The following DZIP1 variants were observed in gnomAD, a reference collection of about 807,000 sequenced individuals.
DZIP1 encodes cilium assembly protein DZIP1.
In DZIP1, 97 loss-of-function variants were observed where a neutral mutation model predicts 107.6. The observed-to-expected ratio is 0.90, with a 90% CI of 0.77 to 1.07. The LOEUF (loss-of-function observed/expected upper bound fraction) is 1.07, where lower values mean the gene tolerates loss of function less well. Ranked by LOEUF, DZIP1 falls within the 50% of genes least tolerant of loss-of-function variation. The pLI, the probability that DZIP1 is intolerant of heterozygous loss-of-function variation, is 0.00. For synonymous variants in DZIP1, 390 were observed against 386.4 expected (o/e 1.01, Z -0.11); for missense variants, 1,035 against 1,063.6 (o/e 0.97, Z 0.37).
intron 19 of DZIP1, among the ~76,000 whole-genome samples, chr13:95,588,883 T>C (rs1365353064): frequency 6.6e-6 from 1 of 152,212 alleles, no homozygotes; most frequent in Non-Finnish European, 1.5e-5. Context: ...ATTGAGAAAT[T>C]ACTCAACATT....
At chr13:95,587,818 C>T (rs1428329069) in intron 19 of DZIP1, 89 bp from the exon 20 acceptor site, 9 of 1,419,572 alleles carry the variant, frequency 6.3e-6, no homozygotes, top group African/African-American at 1.4e-5. Context: ...AAAGTGGTGG[C>T]ACCTTTCTCA....
intron 14 of DZIP1, among the ~76,000 whole-genome samples, chr13:95,604,124 C>T (rs565898837): frequency 2.6e-5 from 4 of 152,312 alleles, no homozygotes; most frequent in East Asian, 1.9e-4. Context: ...TTCGCCCAAC[C>T]CTGCTTCTCT....
intron 12 of DZIP1, among the ~76,000 whole-genome samples, chr13:95,611,239 GT>G (rs2044994007): frequency 6.6e-6 from 1 of 152,192 alleles, no homozygotes; most frequent in South Asian, 2.1e-4. Context: ...CTACATGATA[GT>G]TTAGATTTTT....
At chr13:95,640,097 A>T (rs1878319831) in intron 5 of DZIP1, among the ~76,000 whole-genome samples, 1 of 151,074 alleles carries the variant, frequency 6.6e-6, no homozygotes, top group African/African-American at 2.4e-5. Context: ...GGTTTAAGCG[A>T]TTCTCCTGCC....
At chr13:95,643,311 G>A (rs1234760426) in intron 2 of DZIP1, 54 bp from the exon 3 acceptor site, 3 of 152,144 alleles carry the variant, frequency 2.0e-5, no homozygotes, top group African/African-American at 7.2e-5. Context: ...AGAGTAACTG[G>A]AAGCAAAGTT....
Position 95,641,826 on chromosome 13 carries a change from G to A in DZIP1, c.66C>T (p.Leu22=). The change falls in exon 5 of 23, where the codon CTC becomes CTT. Residue 22 remains leucine, a synonymous_variant. Coordinates refer to ENST00000376829, the MANE Select transcript of DZIP1 (RefSeq NM_198968.4). This position sits in a 1 kb window ranked among gnomAD's most constrained non-coding sequence, Gnocchi z 4.3. ...MPFQKHVYYP[L]ASGPEGPDVA... ...CGTCGGGCCCCTCTGGGCCGCTGGC[G>A]AGCGGGTAGTAGACATGCTTCTGGA... 3 of 1,465,392 alleles carry A rather than the reference G, an allele frequency of 2.0e-6. No homozygotes were observed. Among genetic ancestry groups the A allele is most frequent in the African/African-American group, 2.9e-5 (2 of 68,004 alleles). The allele number at this position is 1,465,392 out of a possible 1,614,324, so 90.8% of individuals were successfully genotyped here.
At position 95,578,309 on chromosome 13, in the gene DZIP1, G is replaced by A. The variant is rs142506879; in HGVS notation, c.*3925C>T. The A allele has an allele frequency of 8.3e-5, 17 of 205,142 alleles. No homozygotes were observed. Among genetic ancestry groups the A allele is most frequent in the East Asian group, 2.6e-4 (2 of 7,666 alleles). The allele number at this position is 205,142 out of a possible 1,614,324, so 12.7% of individuals were successfully genotyped here. ...AGTACCAAAGGTTCAAGAAGTATTC[G>A]TACTCTAGCCTTTTTAATCATTCAT... is the stretch of plus-strand genomic sequence containing the variant. On this transcript the variant is annotated 3_prime_UTR_variant, in exon 23 of 23. Coordinates refer to ENST00000376829, the MANE Select transcript of DZIP1 (RefSeq NM_198968.4).
Position 95,581,119 on chromosome 13 carries a change from TG to T in DZIP1, c.*1114del, listed in dbSNP as rs2044005242. The T allele has an allele frequency of 6.6e-6, 1 of 152,500 alleles. No homozygotes were observed. Among genetic ancestry groups the T allele is most frequent in the South Asian group, 2.1e-4 (1 of 4,830 alleles). The allele number at this position is 152,500 out of a possible 1,614,324, so 9.4% of individuals were successfully genotyped here. A position where few individuals can be genotyped will look rare whatever the true frequency, so the allele number is the denominator to read the frequency against. On this transcript the variant is annotated 3_prime_UTR_variant, in exon 23 of 23. Transcript: ENST00000376829. ...AATAACACAGCCACAGTCACAGTGA[TG>T]TAACAGAGGGCTTTACTGAAAAGGT... is the stretch of plus-strand genomic sequence containing the variant.
chr13:95,583,262 TAA>T (rs11295025), intron 22 of DZIP1, among the ~76,000 whole-genome samples: 102 of 142,342 alleles, frequency 7.2e-4, no homozygotes, highest in Admixed American at 8.4e-4. Flanking sequence ...CCCCATCTCT[TAA>T]AAAAAAAAAA....
chr13:95,601,536 G>A (rs1320200862), intron 14 of DZIP1, among the ~76,000 whole-genome samples: 1 of 152,070 alleles, frequency 6.6e-6, no homozygotes, highest in Non-Finnish European at 1.5e-5. Context: ...GGACTTCATC[G>A]TGCCTACCTT....
rs2044008199 is a variant in DZIP1 at position 95,581,321 on chromosome 13, C to T, written c.*913G>A. ...ATTACTTTTGAGGTATTTCATAATACATGTTGGGTATTTTAAATAGTAAAA... is the reference window on the plus strand; with the variant it reads ...ATTACTTTTGAGGTATTTCATAATATATGTTGGGTATTTTAAATAGTAAAA... On this transcript the variant is annotated 3_prime_UTR_variant, in exon 23 of 23. Transcript: ENST00000376829. 6.6e-6 allele frequency: 1 copy of T among 152,494 alleles called. No homozygotes were observed. The highest frequency in any genetic ancestry group is 6.6e-5 in the Admixed American group (1 of 15,260). 9.4% of individuals were successfully genotyped at this position (152,494 alleles called of 1,614,324 possible).
intron 12 of DZIP1, 78 bp downstream of exon 12, chr13:95,611,366 TG>T (rs778303024): frequency 2.1e-5 from 23 of 1,083,508 alleles, no homozygotes; most frequent in Non-Finnish European, 3.1e-5. Flanking sequence ...CATAAACAAG[TG>T]GGGCCCACAT....
chr13:95,596,481 C>T (rs1295410212), intron 15 of DZIP1, among the ~76,000 whole-genome samples: 2 of 152,172 alleles, frequency 1.3e-5, no homozygotes, highest in African/African-American at 4.8e-5. Flanking sequence ...AGATTTTTGA[C>T]ATGAGTATAC....
rs537892601 is a variant in DZIP1 at position 95,599,404 on chromosome 13, T to C, written c.1498A>G (p.Ile500Val). ...MVHEQAFSSH[I>V]LEPIEELSEE... ...GAAAGTTCTTCTATTGGTTCCAGTA[T>C]GTGCGACGAGAATGCCTGTTCTATT... Residue 500 changes from isoleucine to valine, a missense_variant, in exon 15 of 23, where the codon ATA becomes GTA. Ile to Val is a conservative substitution (Grantham distance 29). Transcript: ENST00000376829. The C allele has an allele frequency of 1.2e-6, 2 of 1,613,758 alleles. No individual in the cohort carries two copies. Among genetic ancestry groups the C allele is most frequent in the African/African-American group, 2.7e-5 (2 of 74,916 alleles).
At chr13:95,589,122 T>C (rs2044241824) in intron 19 of DZIP1, 32 bp downstream of exon 19, 1 of 1,574,908 alleles carries the variant, frequency 6.3e-7, no homozygotes, top group African/African-American at 1.4e-5. Flanking sequence ...AATAATTTTT[T>C]AAATGACCCT....
At chr13:95,618,172 C>T (rs1353149672) in intron 10 of DZIP1, among the ~76,000 whole-genome samples, 1 of 152,212 alleles carries the variant, frequency 6.6e-6, no homozygotes, top group East Asian at 1.9e-4. Context: ...GGGCACTCTG[C>T]ATTTATCCCA....
chr13:95,633,675 T>A (rs1433735921), intron 5 of DZIP1, among the ~76,000 whole-genome samples: 1 of 104,524 alleles, frequency 9.6e-6, no homozygotes, highest in Admixed American at 1.2e-4. Context: ...CGAGACTCCA[T>A]CTCAAAAAAA....
At chr13:95,595,855 T>C (rs1307541673) in intron 15 of DZIP1, among the ~76,000 whole-genome samples, 5 of 152,210 alleles carry the variant, frequency 3.3e-5, no homozygotes, top group African/African-American at 1.2e-4. Context: ...GGGCAAGCGA[T>C]GCCTGGAATG....
chr13:95,598,721 C>T (rs1315487450), intron 15 of DZIP1, among the ~76,000 whole-genome samples: 1 of 151,954 alleles, frequency 6.6e-6, no homozygotes, highest in Non-Finnish European at 1.5e-5. Context: ...TCAAAATCTA[C>T]AAATCTAGCA....
Sources: allele counts gnomAD v4.1 joint callset (sites outside exome capture counted in the v4.1 genomes callset), GRCh38; gene constraint gnomAD v4.1.1; non-coding constraint Gnocchi (gnomAD v3.1); transcripts MANE v1.5; gene names NCBI Gene and HGNC (gene_info 2026-07-23, HGNC 2026-07-21).